The following VDAC1 variants were observed in gnomAD, a reference collection of about 807,000 sequenced individuals.
VDAC1 encodes the protein non-selective voltage-gated ion channel VDAC1.
A neutral mutation model predicts 34.7 loss-of-function variants in VDAC1; 10 were observed. That is an observed-to-expected ratio of 0.29 (90% confidence interval 0.18 to 0.49). The LOEUF (loss-of-function observed/expected upper bound fraction) is 0.49, where lower values mean the gene tolerates loss of function less well. Ranked by LOEUF, VDAC1 falls within the 20% of genes least tolerant of loss-of-function variation. The probability of loss-of-function intolerance (pLI) is 0.99; values close to 1 mark genes in which losing one functional copy is unlikely to be tolerated. For missense variants in VDAC1, 230 were observed against 347.9 expected, an observed-to-expected ratio of 0.66 and a Z score of 2.69; for synonymous variants, 130 against 136.0, an observed-to-expected ratio of 0.96 and a Z score of 0.30.
At chr5:133,976,650 A>G (rs1580707576) in intron 6 of VDAC1, among the ~76,000 whole-genome samples, 1 of 148,214 alleles carries the variant, frequency 6.7e-6, no homozygotes, top group East Asian at 2.0e-4. Flanking sequence ...TCTATAAGGA[A>G]AAAAAAAAAA....
At chr5:133,983,337 C>A (rs555729718) in intron 5 of VDAC1, among the ~76,000 whole-genome samples, 8 of 151,394 alleles carry the variant, frequency 5.3e-5, no homozygotes, top group East Asian at 1.9e-4. Flanking sequence ...TGGATTATTG[C>A]CATTTAAAGA....
the VDAC1 span, among the ~76,000 whole-genome samples, chr5:134,078,202 C>T: frequency 6.6e-6 from 1 of 152,180 alleles, no homozygotes; most frequent in Non-Finnish European, 1.5e-5. Context: ...TGGACCCCTG[C>T]CCTCAAAGAG....
intron 5 of VDAC1, among the ~76,000 whole-genome samples, chr5:133,990,013 T>C (rs1753044656): frequency 6.6e-6 from 1 of 152,160 alleles, no homozygotes. Context: ...CTAACATCAC[T>C]ATATAAAACA....
chr5:134,029,958 A>G, the VDAC1 span, among the ~76,000 whole-genome samples: 1 of 152,204 alleles, frequency 6.6e-6, no homozygotes, highest in African/African-American at 2.4e-5. Flanking sequence ...TGTAAAATGT[A>G]ACCCCTTGGG....
the VDAC1 span, among the ~76,000 whole-genome samples, chr5:134,068,049 T>C: frequency 6.6e-6 from 1 of 151,808 alleles, no homozygotes; most frequent in South Asian, 2.1e-4. Context: ...ACCTGGGAGG[T>C]GGAGGTTGCA....
chr5:134,003,636 T>C (rs1457453109), intron 1 of VDAC1, among the ~76,000 whole-genome samples: 4 of 152,244 alleles, frequency 2.6e-5, no homozygotes, highest in African/African-American at 7.2e-5. Context: ...CAAAATGGTC[T>C]GCGGGGGATG....
chr5:134,057,910 GT>G, the VDAC1 span, among the ~76,000 whole-genome samples: 7 of 152,080 alleles, frequency 4.6e-5, no homozygotes, highest in African/African-American at 1.7e-4. Context: ...GTTTTGTTTT[GT>G]TTTAGACCAA....
the VDAC1 span, among the ~76,000 whole-genome samples, chr5:134,077,761 G>A: frequency 6.6e-6 from 1 of 152,350 alleles, no homozygotes; most frequent in East Asian, 1.9e-4. Flanking sequence ...GGGCAGGGAA[G>A]GCATTTCTCT....
At chr5:134,021,870 C>G in the VDAC1 span, among the ~76,000 whole-genome samples, 6 of 145,814 alleles carry the variant, frequency 4.1e-5, no homozygotes, top group South Asian at 1.3e-3. Flanking sequence ...TCAGAGAAAG[C>G]CTGTGATTTT....
chr5:133,981,278 A>G (rs958498019), intron 5 of VDAC1, among the ~76,000 whole-genome samples: 13 of 152,228 alleles, frequency 8.5e-5, no homozygotes, highest in African/African-American at 3.1e-4. Flanking sequence ...TTCATTAGGT[A>G]GAAAGCCACC....
intron 8 of VDAC1, among the ~76,000 whole-genome samples, chr5:133,973,243 A>G (rs926966917): frequency 6.6e-6 from 1 of 152,228 alleles, no homozygotes; most frequent in African/African-American, 2.4e-5. Flanking sequence ...GTTCATGTTC[A>G]TAGTGTACAC....
At chr5:133,998,243 C>A (rs1289424058) in intron 1 of VDAC1, among the ~76,000 whole-genome samples, 1 of 152,138 alleles carries the variant, frequency 6.6e-6, no homozygotes, top group Non-Finnish European at 1.5e-5. Flanking sequence ...CAAATTGGGG[C>A]TGGCTTAGAT....
the VDAC1 span, among the ~76,000 whole-genome samples, chr5:134,044,676 G>A: frequency 1.3e-5 from 2 of 152,108 alleles, no homozygotes; most frequent in Admixed American, 1.3e-4. Context: ...CGCGCGCACA[G>A]GTATGTAAGT....
At chr5:134,085,722 T>TAAA in the VDAC1 span, among the ~76,000 whole-genome samples, 99 of 44,240 alleles carry the variant, frequency 2.2e-3, 4 homozygotes, top group African/African-American at 6.4e-3. Context: ...ACCCCATTTC[T>TAAA]AAAAAAAAAA....
At chr5:134,058,444 G>A in the VDAC1 span, among the ~76,000 whole-genome samples, 1 of 152,092 alleles carries the variant, frequency 6.6e-6, no homozygotes, top group South Asian at 2.1e-4. Context: ...CTCCCAAGTA[G>A]CTGGGACTAC....
the VDAC1 span, among the ~76,000 whole-genome samples, chr5:134,032,219 G>C: frequency 2.0e-5 from 3 of 151,412 alleles, no homozygotes; most frequent in Non-Finnish European, 4.4e-5. Flanking sequence ...TCTAGAAACT[G>C]GAAAAGGCAA....
chr5:134,099,796 C>T, the VDAC1 span, among the ~76,000 whole-genome samples: 2,444 of 152,270 alleles, frequency 0.016, 60 homozygotes, highest in African/African-American at 0.055. Flanking sequence ...TTGCCCAGGC[C>T]GGTCTCAAAC....
At chr5:134,107,252 A>T in the VDAC1 span, among the ~76,000 whole-genome samples, 1 of 152,238 alleles carries the variant, frequency 6.6e-6, no homozygotes, top group African/African-American at 2.4e-5. Context: ...CCAGGAGGGC[A>T]GACAGCCCCT....
chr5:134,076,563 C>T, the VDAC1 span, among the ~76,000 whole-genome samples: 1 of 152,184 alleles, frequency 6.6e-6, no homozygotes, highest in Admixed American at 6.5e-5. Context: ...GCCCAGTACC[C>T]AGTGGATTCA....
Sources: allele counts gnomAD v4.1 joint callset (sites outside exome capture counted in the v4.1 genomes callset), GRCh38; gene constraint gnomAD v4.1.1; transcripts MANE v1.5; gene names NCBI Gene and HGNC (gene_info 2026-07-23, HGNC 2026-07-21).